CYP7B1: variants seen among roughly 807,000 people sequenced by gnomAD.
CYP7B1 encodes the protein cytochrome P450 family 7 subfamily B member 1, also known as cytochrome P450 7B1.
In CYP7B1, 29 loss-of-function variants were observed where a neutral mutation model predicts 42.7. The ratio of observed to expected loss-of-function variants is 0.68; its 90% confidence interval spans 0.51 to 0.93. The LOEUF is 0.93. CYP7B1 is among the 40% of genes least tolerant of loss of function. CYP7B1 has a pLI of 0.00. For synonymous variants in CYP7B1, 235 were observed against 218.2 expected (o/e 1.08, Z -0.68); for missense variants, 655 against 600.5 (o/e 1.09, Z -0.95).
rs548443306 is a variant in CYP7B1 at position 64,653,999 on chromosome 8, TA to T, written c.123-29461del. 1.5e-3 allele frequency among the ~76,000 whole-genome samples: 225 copies of T among 152,234 alleles called. 1 individual carries two copies. The highest frequency in any genetic ancestry group is 2.2e-3 in the Non-Finnish European group (149 of 68,012). ...CTAAATAAACTAAAAACTCAATAAATAGATATTGTAGAAACACAACTCAAAA... is the reference window on the plus strand; with the variant it reads ...CTAAATAAACTAAAAACTCAATAAATGATATTGTAGAAACACAACTCAAAA... On this transcript the variant is annotated intron_variant, in intron 1 of 5. Transcript: ENST00000310193.
rs71260892 is a variant in CYP7B1, at chr8:64,624,951, C to CTTTTTTTTTTTTTTTTT, written c.123-429_123-413dup. Reference sequence around the variant, plus strand: ...AGTCCCCAAAGTCCATTATATCATTCTTTTTTTTTTTTTTTTTTTTTTTTT... The same window carrying CTTTTTTTTTTTTTTTTT: ...AGTCCCCAAAGTCCATTATATCATTCTTTTTTTTTTTTTTTTTTTTTTTTTTTTTTTTTTTTTTTTTT... On this transcript the variant is annotated intron_variant, in intron 1 of 5. Transcript: ENST00000310193. 3.0e-4 allele frequency among the ~76,000 whole-genome samples: 16 copies of CTTTTTTTTTTTTTTTTT among 54,062 alleles called. 4 individuals are homozygous for CTTTTTTTTTTTTTTTTT. The highest frequency in any genetic ancestry group is 1.7e-3 in the African/African-American group (16 of 9,662). 35.5% of individuals were successfully genotyped at this position (54,062 alleles called of 152,430 possible).
chr8:64,661,573 TTTAATAGTGTTAATAATCCTTTTAATATA>T (rs1264429402), intron 1 of CYP7B1, among the ~76,000 whole-genome samples: 1 of 152,250 alleles, frequency 6.6e-6, no homozygotes, highest in Non-Finnish European at 1.5e-5. Flanking sequence ...TGTTAAACTG[TTTAATAGTGTTAATAATCCTTTTAATATA>T]TTTAAATTTG....
At chr8:64,760,549 A>T (rs2129633695) in intron 1 of CYP7B1, among the ~76,000 whole-genome samples, 1 of 152,262 alleles carries the variant, frequency 6.6e-6, no homozygotes, top group African/African-American at 2.4e-5. Context: ...AAGGACTTTA[A>T]CAGACATTTA....
rs1223930253 is a variant in CYP7B1 at position 64,592,541 on chromosome 8, G to C, written c.*4101C>G. On this transcript the variant is annotated 3_prime_UTR_variant, in exon 6 of 6. Coordinates refer to ENST00000310193, the MANE Select transcript of CYP7B1 (RefSeq NM_004820.5). Reference sequence around the variant, plus strand: ...CAGTGTCTAGCATCAATCATATCTAGAACAGAGAAAATGCTCAATGAATGT... The same window carrying C: ...CAGTGTCTAGCATCAATCATATCTACAACAGAGAAAATGCTCAATGAATGT... 3.3e-5 allele frequency among the ~76,000 whole-genome samples: 5 copies of C among 152,154 alleles called. No homozygotes were observed. Among genetic ancestry groups the C allele is most frequent in the Admixed American group, 3.3e-4 (5 of 15,282 alleles).
chr8:64,749,059 T>C (rs1048729832), intron 1 of CYP7B1, among the ~76,000 whole-genome samples: 1 of 152,092 alleles, frequency 6.6e-6, no homozygotes, highest in African/African-American at 2.4e-5. Context: ...CATTTGGTTT[T>C]CTTTTTTATT....
intron 1 of CYP7B1, among the ~76,000 whole-genome samples, chr8:64,725,256 G>A (rs763313438): frequency 2.6e-5 from 4 of 152,200 alleles, no homozygotes; most frequent in Non-Finnish European, 5.9e-5. Context: ...AAATAAAGAT[G>A]CTATGCTTTT....
At chr8:64,676,116 C>A (rs1319612970) in intron 1 of CYP7B1, among the ~76,000 whole-genome samples, 1 of 152,088 alleles carries the variant, frequency 6.6e-6, no homozygotes, top group Non-Finnish European at 1.5e-5. Context: ...AGTATCCCAA[C>A]CCATATCTTA....
At chr8:64,612,100 CT>C (rs976898103) in intron 4 of CYP7B1, among the ~76,000 whole-genome samples, 13 of 152,016 alleles carry the variant, frequency 8.6e-5, no homozygotes, top group African/African-American at 2.2e-4. Flanking sequence ...CTTGCATTAT[CT>C]TTTTTTCTTA....
At chr8:64,735,127 G>GT (rs1332313957) in intron 1 of CYP7B1, among the ~76,000 whole-genome samples, 1 of 152,128 alleles carries the variant, frequency 6.6e-6, no homozygotes, top group Non-Finnish European at 1.5e-5. Flanking sequence ...ACTTGTCTCA[G>GT]TGAGTTCCTG....
intron 1 of CYP7B1, among the ~76,000 whole-genome samples, chr8:64,745,716 G>A (rs1308818909): frequency 1.3e-5 from 2 of 152,106 alleles, no homozygotes; most frequent in African/African-American, 4.8e-5. Flanking sequence ...CCAGCATACA[G>A]CTGCTCAGAA....
At chr8:64,750,803 T>G (rs951805195) in intron 1 of CYP7B1, among the ~76,000 whole-genome samples, 1 of 152,316 alleles carries the variant, frequency 6.6e-6, no homozygotes, top group South Asian at 2.1e-4. Context: ...TTGTTCTCTT[T>G]AGGTTCTCCC....
intron 2 of CYP7B1, among the ~76,000 whole-genome samples, chr8:64,617,871 CAA>C (rs1364213144): frequency 6.6e-6 from 1 of 151,470 alleles, no homozygotes; most frequent in Non-Finnish European, 1.5e-5. Flanking sequence ...TTTTGAAACA[CAA>C]GTTTTTAATA....
At chr8:64,601,940 T>G (rs1300773367) in intron 5 of CYP7B1, among the ~76,000 whole-genome samples, 2 of 152,212 alleles carry the variant, frequency 1.3e-5, no homozygotes, top group African/African-American at 2.4e-5. Context: ...ATCACTTCTT[T>G]ATTTGATCTA....
intron 2 of CYP7B1, among the ~76,000 whole-genome samples, 180 bp from the exon 3 acceptor site, chr8:64,616,461 GAA>G (rs1318909976): frequency 6.6e-6 from 1 of 152,106 alleles, no homozygotes; most frequent in Non-Finnish European, 1.5e-5. Context: ...AAAGATGGTG[GAA>G]AACACTCTAG....
At chr8:64,662,081 A>C (rs987042129) in intron 1 of CYP7B1, among the ~76,000 whole-genome samples, 4 of 151,864 alleles carry the variant, frequency 2.6e-5, no homozygotes, top group African/African-American at 7.3e-5. Flanking sequence ...CTTTGCTTTC[A>C]ACTTTACCCC....
chr8:64,786,224 C>T (rs1468120192), intron 1 of CYP7B1, among the ~76,000 whole-genome samples: 1 of 152,156 alleles, frequency 6.6e-6, no homozygotes, highest in Non-Finnish European at 1.5e-5. Flanking sequence ...TTTCAACAGT[C>T]CCCCAAAGTC....
intron 1 of CYP7B1, among the ~76,000 whole-genome samples, chr8:64,744,274 G>A (rs184143563): frequency 1.4e-4 from 22 of 152,148 alleles, no homozygotes; most frequent in Non-Finnish European, 1.5e-4. Context: ...TATCATAGCC[G>A]TTCCATAAGA....
intron 1 of CYP7B1, among the ~76,000 whole-genome samples, chr8:64,725,738 TG>T (rs1352428409): frequency 6.6e-6 from 1 of 152,204 alleles, no homozygotes; most frequent in Non-Finnish European, 1.5e-5. Context: ...AGATATCTTT[TG>T]GTGATGAAAA....
intron 1 of CYP7B1, among the ~76,000 whole-genome samples, chr8:64,749,480 T>A (rs926595645): frequency 1.3e-4 from 20 of 152,150 alleles, no homozygotes; most frequent in African/African-American, 4.8e-4. Flanking sequence ...TAAATGATGA[T>A]GGCAAGCTGG....
Sources: gnomAD v4.1 joint callset for allele counts (sites outside exome capture counted in the v4.1 genomes callset) on GRCh38, gnomAD v4.1.1 for gene constraint, MANE v1.5 for transcripts, NCBI Gene and HGNC (gene_info 2026-07-23, HGNC 2026-07-21) for gene names.